Variants in EYS observed in about 807,000 individuals in gnomAD.
EYS encodes the protein EGF-like photoreceptor maintenance factor.
A neutral mutation model predicts 282.1 loss-of-function variants in EYS; 250 were observed. The ratio of observed to expected loss-of-function variants is 0.89; its 90% CI spans 0.80 to 0.98. EYS has a LOEUF of 0.98. Ranked by LOEUF, EYS falls within the 50% of genes least tolerant of loss-of-function variation. The pLI is 0.00. For synonymous variants in EYS, 1,355 were observed against 1,282.9 expected (o/e 1.06, Z -1.20); for missense variants, 4,016 against 3,709.0 (o/e 1.08, Z -2.15).
At chr6:64,755,984 C>T (rs1720116189) in intron 22 of EYS, among the ~76,000 whole-genome samples, 1 of 151,936 alleles carries the variant, frequency 6.6e-6, no homozygotes, top group South Asian at 2.1e-4. Context: ...ACATTCAAAC[C>T]CACATCAAAA....
intron 33 of EYS, among the ~76,000 whole-genome samples, chr6:64,018,393 T>C (rs1206311522): frequency 6.6e-6 from 1 of 152,196 alleles, no homozygotes; most frequent in Admixed American, 6.5e-5. Flanking sequence ...GGATGTTTCT[T>C]CTTGCTTTCT....
At chr6:64,959,402 C>A (rs1429384495) in intron 14 of EYS, among the ~76,000 whole-genome samples, 1 of 152,066 alleles carries the variant, frequency 6.6e-6, no homozygotes, top group Non-Finnish European at 1.5e-5. Flanking sequence ...TCTTTTCCTT[C>A]ATTATTCTTT....
At chr6:63,880,597 C>T (rs1402462976) in intron 35 of EYS, among the ~76,000 whole-genome samples, 2 of 151,938 alleles carry the variant, frequency 1.3e-5, no homozygotes, top group Non-Finnish European at 2.9e-5. Context: ...GTTGTTGAGA[C>T]TGAGACACAA....
Position 65,204,952 on chromosome 6 carries a change from CTAGAAGAATATA to C in EYS, c.2023+90899_2023+90910del, listed in dbSNP as rs1460629568. The stretch of plus-strand genomic sequence containing the variant: ...TTCTAGAAGAATATATTTATATATT[CTAGAAGAATATA>C]TTTATATATTCTAGAAGAATATATT... On this transcript the variant is annotated intron_variant, in intron 12 of 42. Transcript: ENST00000503581. Among the ~76,000 whole-genome samples the C allele has an allele frequency of 3.7e-4, 44 of 118,890 alleles. 1 individual carries two copies. The highest frequency in any genetic ancestry group is 1.3e-3 in the African/African-American group (39 of 29,100). The allele number at this position is 118,890 out of a possible 152,430, so 78.0% of individuals were successfully genotyped here.
chr6:65,214,209 T>C (rs1446954091), intron 12 of EYS, among the ~76,000 whole-genome samples: 1 of 127,994 alleles, frequency 7.8e-6, no homozygotes. Flanking sequence ...TGATATAGGC[T>C]GAAAAAGTTA....
intron 15 of EYS, among the ~76,000 whole-genome samples, chr6:64,915,027 T>C (rs1768116992): frequency 6.6e-6 from 1 of 152,146 alleles, no homozygotes; most frequent in South Asian, 2.1e-4. Flanking sequence ...CCATCCTAGT[T>C]TGCCTGGAGA....
intron 30 of EYS, among the ~76,000 whole-genome samples, chr6:64,291,582 G>A (rs1768708935): frequency 6.6e-6 from 1 of 152,006 alleles, no homozygotes; most frequent in Non-Finnish European, 1.5e-5. Context: ...AACTTTTACA[G>A]TGCAGGGAAG....
At chr6:64,195,054 G>A (rs1289512418) in intron 31 of EYS, among the ~76,000 whole-genome samples, 1 of 150,922 alleles carries the variant, frequency 6.6e-6, no homozygotes, top group African/African-American at 2.4e-5. Context: ...CTTCTTTTTA[G>A]TCCCACAGGT....
At chr6:64,577,184 G>A (rs903009620) in intron 26 of EYS, among the ~76,000 whole-genome samples, 1 of 152,064 alleles carries the variant, frequency 6.6e-6, no homozygotes, top group Admixed American at 6.6e-5. Context: ...CCAGAATTGT[G>A]AGACAATAAA....
chr6:64,245,392 C>CAAGCATAA lies in EYS; in HGVS notation c.6192-14569_6192-14568insTTATGCTT, dbSNP rs1562270072. ...TGGCAGTGCAGTGACACAATTGCAG[C>CAAGCATAA]CTCAACATCCTGGCTGGGCTCAAGC... On this transcript the variant is annotated intron_variant, in intron 30 of 42. Coordinates refer to ENST00000503581, the MANE Select transcript of EYS (RefSeq NM_001142800.2). Among the ~76,000 whole-genome samples the CAAGCATAA allele has an allele frequency of 1.5e-4, 23 of 152,000 alleles. 2 individuals are homozygous for CAAGCATAA. The highest frequency in any genetic ancestry group is 5.1e-4 in the African/African-American group (21 of 41,366).
At chr6:65,600,141 T>C (rs1450597171) in intron 2 of EYS, among the ~76,000 whole-genome samples, 1 of 152,046 alleles carries the variant, frequency 6.6e-6, no homozygotes, top group East Asian at 1.9e-4. Context: ...CAGGTAGTGA[T>C]TCCTAACCTT....
intron 36 of EYS, among the ~76,000 whole-genome samples, chr6:63,862,433 A>T: frequency 6.6e-6 from 1 of 151,992 alleles, no homozygotes; most frequent in Non-Finnish European, 1.5e-5. Flanking sequence ...AAAAAAAAAA[A>T]TTTACACTGA....
intron 26 of EYS, among the ~76,000 whole-genome samples, chr6:64,462,430 A>C (rs910511733): frequency 1.3e-5 from 2 of 152,218 alleles, no homozygotes; most frequent in Non-Finnish European, 2.9e-5. Context: ...AAGGTTAAAA[A>C]TTAGTGTGAT....
intron 12 of EYS, among the ~76,000 whole-genome samples, chr6:65,126,296 A>G (rs894659918): frequency 1.3e-5 from 2 of 152,188 alleles, no homozygotes; most frequent in African/African-American, 2.4e-5. Context: ...AATGTGCTCA[A>G]TGTTACTTCT....
chr6:64,836,297 T>C (rs140176288), intron 19 of EYS, among the ~76,000 whole-genome samples: 3,416 of 142,618 alleles, frequency 0.024, 133 homozygotes, highest in African/African-American at 0.094. Context: ...TGATTTATTT[T>C]ATATATATAT....
intron 1 of EYS, among the ~76,000 whole-genome samples, chr6:65,652,279 T>C (rs1767680363): frequency 6.6e-6 from 1 of 152,036 alleles, no homozygotes; most frequent in Non-Finnish European, 1.5e-5. Flanking sequence ...CTGAACACTA[T>C]GATGGAGTTA....
intron 1 of EYS, among the ~76,000 whole-genome samples, chr6:65,701,728 T>A (rs1582619581): frequency 6.6e-6 from 1 of 152,316 alleles, no homozygotes; most frequent in East Asian, 1.9e-4. Context: ...CAATCTTTGT[T>A]GTCTAATTTG....
chr6:64,783,556 T>A (rs889802382), intron 22 of EYS, among the ~76,000 whole-genome samples: 1 of 152,096 alleles, frequency 6.6e-6, no homozygotes, highest in African/African-American at 2.4e-5. Context: ...GCTTTTCATA[T>A]CTAAAATTAT....
chr6:64,721,272 A>G (rs1028093154), intron 22 of EYS, among the ~76,000 whole-genome samples: 2 of 152,204 alleles, frequency 1.3e-5, no homozygotes, highest in African/African-American at 4.8e-5. Context: ...AGGAGAGTGA[A>G]AAAAGGCAGG....
Sources: allele counts gnomAD v4.1 joint callset (sites outside exome capture counted in the v4.1 genomes callset), GRCh38; gene constraint gnomAD v4.1.1; transcripts MANE v1.5; gene names NCBI Gene and HGNC (gene_info 2026-07-23, HGNC 2026-07-21).